The following PDHX variants were observed in gnomAD, a reference collection of about 807,000 sequenced individuals.
PDHX encodes pyruvate dehydrogenase protein X component, mitochondrial.
A neutral mutation model predicts 55.3 loss-of-function variants in PDHX; 33 were observed. That is an observed-to-expected ratio of 0.60 (90% confidence interval 0.45 to 0.80). The LOEUF (loss-of-function observed/expected upper bound fraction) is 0.80, where lower values mean the gene tolerates loss of function less well. Among genes scored for constraint, PDHX ranks in the 30% least tolerant of loss-of-function variants. PDHX has a pLI of 0.00. For missense variants in PDHX, 622 were observed against 619.9 expected (o/e 1.00, Z -0.04); for synonymous variants, 226 against 219.4 (o/e 1.03, Z -0.27).
intron 1 of PDHX, among the ~76,000 whole-genome samples, chr11:34,917,109 C>T (rs1329996157): frequency 1.3e-5 from 2 of 152,144 alleles, no homozygotes; most frequent in African/African-American, 2.4e-5. Context: ...AAACTCTCCT[C>T]CCTCAGCCCC....
At chr11:34,920,107 A>C (rs1853837212) in intron 1 of PDHX, among the ~76,000 whole-genome samples, 4 of 152,242 alleles carry the variant, frequency 2.6e-5, no homozygotes, top group Non-Finnish European at 5.9e-5. Context: ...GCAGAAACAA[A>C]GACCCAGAGA....
chr11:34,970,530 A>G (rs1855235549), intron 7 of PDHX, among the ~76,000 whole-genome samples: 4 of 152,206 alleles, frequency 2.6e-5, no homozygotes, highest in Admixed American at 2.6e-4. Flanking sequence ...AGAAAAAAGC[A>G]TTCTGTTCTA....
intron 5 of PDHX, among the ~76,000 whole-genome samples, chr11:34,962,612 T>A (rs903694233): frequency 5.3e-5 from 8 of 152,160 alleles, no homozygotes; most frequent in Admixed American, 5.2e-4. Flanking sequence ...GCAATAGTTA[T>A]AATTGAGATC....
At chr11:34,994,314 A>G (rs1170784199) in intron 10 of PDHX, among the ~76,000 whole-genome samples, 1 of 152,232 alleles carries the variant, frequency 6.6e-6, no homozygotes. Flanking sequence ...ATCTAAACAT[A>G]TCTAAGCATT....
At chr11:34,945,568 T>C (rs1436105399) in intron 2 of PDHX, among the ~76,000 whole-genome samples, 1 of 152,216 alleles carries the variant, frequency 6.6e-6, no homozygotes, top group Admixed American at 6.5e-5. Flanking sequence ...CTGACCTCTG[T>C]TGCAGCTGCT....
intron 5 of PDHX, among the ~76,000 whole-genome samples, chr11:34,965,545 T>C (rs1192262815): frequency 6.6e-6 from 1 of 152,122 alleles, no homozygotes; most frequent in East Asian, 1.9e-4. Context: ...ATGCCACCAA[T>C]TTTGTCACAT....
Position 34,978,202 on chromosome 11 carries a change from T to C in PDHX, c.1023+20T>C. The C allele has an allele frequency of 1.4e-6, 2 of 1,391,424 alleles. No individual in the cohort carries two copies. Among genetic ancestry groups the C allele is most frequent in the Non-Finnish European group, 2.1e-6 (2 of 975,522 alleles). The allele number at this position is 1,391,424 out of a possible 1,614,324, so 86.2% of individuals were successfully genotyped here. A position where few individuals can be genotyped will look rare whatever the true frequency, so the allele number is the denominator to read the frequency against. Reference sequence around the variant, plus strand: ...CTTAAAGTAAGTAGCAGACTTCAAATGATTTTGTCTTCTTAAGTAGTTTCA... The same window carrying C: ...CTTAAAGTAAGTAGCAGACTTCAAACGATTTTGTCTTCTTAAGTAGTTTCA... On this transcript the variant is annotated intron_variant, in intron 8 of 10. Coordinates refer to ENST00000227868, the MANE Select transcript of PDHX (RefSeq NM_003477.3).
intron 1 of PDHX, among the ~76,000 whole-genome samples, chr11:34,927,671 G>T (rs760417021): frequency 1.3e-5 from 2 of 152,036 alleles, no homozygotes; most frequent in Non-Finnish European, 1.5e-5. Context: ...AATGAAATAT[G>T]TACTTTTATT....
Position 34,936,389 on chromosome 11 carries a change from C to T in PDHX, c.241+4905C>T, listed in dbSNP as rs116831679. The stretch of plus-strand genomic sequence containing the variant: ...TAACATCGTAATTGGAATAGAACTG[C>T]AGTGCTGTAAGTGGTCAGTTAGTAA... On this transcript the variant is annotated intron_variant, in intron 2 of 10. Transcript: ENST00000227868. 5.2e-3 allele frequency among the ~76,000 whole-genome samples: 796 copies of T among 152,160 alleles called. 10 individuals carry two copies. Among genetic ancestry groups the T allele is most frequent in the African/African-American group, 0.018 (756 of 41,500 alleles).
At chr11:34,931,608 T>C (rs1022385579) in intron 2 of PDHX, 124 bp downstream of exon 2, 1 of 656,998 alleles carries the variant, frequency 1.5e-6, no homozygotes, top group Admixed American at 2.6e-5. Context: ...TGTGTTCCTT[T>C]GGTAGTTAAT....
intron 1 of PDHX, among the ~76,000 whole-genome samples, chr11:34,917,524 T>C (rs1853760372): frequency 2.0e-5 from 3 of 152,132 alleles, no homozygotes; most frequent in Admixed American, 1.3e-4. Context: ...TTTTTCCTTA[T>C]TTTGGGAGAA....
chr11:34,916,081 G>T (rs565528504), upstream of PDHX: 39 of 1,061,668 alleles, frequency 3.7e-5, no homozygotes, highest in South Asian at 5.8e-4. Context: ...CCAAGGTCGC[G>T]GTGCGCCGGG....
chr11:34,987,718 T>C (rs1444911259), intron 9 of PDHX, among the ~76,000 whole-genome samples: 1 of 136,284 alleles, frequency 7.3e-6, no homozygotes, highest in Non-Finnish European at 1.6e-5. Context: ...ATGCACCAAG[T>C]AGAAACCCTG....
chr11:34,954,891 T>G (rs77742078), intron 3 of PDHX, among the ~76,000 whole-genome samples: 2 of 152,164 alleles, frequency 1.3e-5, no homozygotes, highest in Non-Finnish European at 2.9e-5. Flanking sequence ...AAGGAAACTT[T>G]ACTAAGGTCA....
chr11:34,928,242 A>G (rs1854069143), intron 1 of PDHX, among the ~76,000 whole-genome samples: 1 of 152,160 alleles, frequency 6.6e-6, no homozygotes, highest in Non-Finnish European at 1.5e-5. Flanking sequence ...CTATAGAAGC[A>G]TTGAGGTCCA....
intron 4 of PDHX, among the ~76,000 whole-genome samples, chr11:34,959,456 CAAGGA>C (rs1233582057): frequency 6.6e-6 from 1 of 151,972 alleles, no homozygotes; most frequent in African/African-American, 2.4e-5. Flanking sequence ...CAAGTGTTGG[CAAGGA>C]CATGGATAAT....
chr11:34,927,787 G>A (rs984565047), intron 1 of PDHX, among the ~76,000 whole-genome samples: 4 of 152,074 alleles, frequency 2.6e-5, no homozygotes, highest in African/African-American at 4.8e-5. Context: ...CGTAATAAGC[G>A]AGTGTAATCT....
intron 1 of PDHX, 24 bp downstream of exon 1, chr11:34,916,839 C>T (rs1182447277): frequency 7.7e-6 from 12 of 1,550,886 alleles, no homozygotes; most frequent in East Asian, 4.8e-5. Context: ...GCTCGCTCAG[C>T]TTCTCTGTGT....
intron 6 of PDHX, 130 bp downstream of exon 6, chr11:34,966,944 C>A: frequency 1.3e-6 from 1 of 766,678 alleles, no homozygotes; most frequent in Non-Finnish European, 2.2e-6. Flanking sequence ...CTCTGCCTCC[C>A]AAGTTCAAGT....
Sources: allele counts gnomAD v4.1 joint callset (sites outside exome capture counted in the v4.1 genomes callset), GRCh38; gene constraint gnomAD v4.1.1; transcripts MANE v1.5; gene names NCBI Gene and HGNC (gene_info 2026-07-23, HGNC 2026-07-21).